Variants in GJC2 observed in about 807,000 individuals in gnomAD.
GJC2 encodes gap junction protein gamma 2.
For missense variants in GJC2, 647 were observed against 648.9 expected (o/e 1.00, Z 0.03); for synonymous variants, 336 against 307.5 (o/e 1.09, Z -0.97).
At chr1:228,154,702 G>C (rs970741409) in intron 1 of GJC2, among the ~76,000 whole-genome samples, 1 of 152,242 alleles carries the variant, frequency 6.6e-6, no homozygotes, top group Non-Finnish European at 1.5e-5. Flanking sequence ...TCTAATCTAT[G>C]TCAGTCTGTA....
At chr1:228,154,423 T>C (rs1404137534) in intron 1 of GJC2, among the ~76,000 whole-genome samples, 1 of 152,192 alleles carries the variant, frequency 6.6e-6, no homozygotes, top group Non-Finnish European at 1.5e-5. Flanking sequence ...CATGAGATGC[T>C]GTGAAGCATC....
In GJC2 at chr1:228,157,309, G is replaced by A. The variant is rs541018245; in HGVS notation, c.-19-431G>A. Among the ~76,000 whole-genome samples, 11 of 152,262 alleles carry A rather than the reference G, an allele frequency of 7.2e-5. No homozygotes were observed. In the South Asian group the frequency reaches 8.3e-4, roughly 11 times the overall value. ...GCTGTGAAGGACTGAGGGCTGATGG[G>A]GCTGCAGGGGCTTGGGGGCTAGGGA... On this transcript the variant is annotated intron_variant, in intron 1 of 1. Transcript: ENST00000366714.
chr1:228,150,043 GC>G lies in GJC2; in HGVS notation c.-20+37del, dbSNP rs1017752221. ...GGGGTCCATGTATGTACCTCATGGG[GC>G]TGGGGGCTGTTGCCCCAGGAGACAG... On this transcript the variant is annotated intron_variant, in intron 1 of 1. Transcript: ENST00000366714. This position sits in a 1 kb window ranked among gnomAD's most constrained non-coding sequence, Gnocchi z 4.6. The G allele has an allele frequency of 4.6e-5, 7 of 152,294 alleles. No individual in the cohort carries two copies. The highest frequency in any genetic ancestry group is 4.6e-4 in the Admixed American group (7 of 15,286). 9.4% of individuals were successfully genotyped at this position (152,294 alleles called of 1,614,324 possible). A position where few individuals can be genotyped will look rare whatever the true frequency, so the allele number is the denominator to read the frequency against.
chr1:228,157,742 C>T lies in GJC2; in HGVS notation c.-17C>T. 1.1e-4 allele frequency: 21 copies of T among 197,612 alleles called. No individual in the cohort carries two copies. Among genetic ancestry groups the T allele is most frequent in the Admixed American group, 1.9e-4 (2 of 10,770 alleles). The allele number at this position is 197,612 out of a possible 1,614,324, so 12.2% of individuals were successfully genotyped here. ...CTGACCCCTACCCCGCCCCACAGGA[C>T]CCGCCCGCCCGCCCCTATGACCAAC... On this transcript the variant is annotated splice_region_variant and 5_prime_UTR_variant, in exon 2 of 2. Coordinates refer to ENST00000366714, the MANE Select transcript of GJC2 (RefSeq NM_020435.4).
intron 1 of GJC2, among the ~76,000 whole-genome samples, chr1:228,156,734 C>A (rs1020593726): frequency 5.3e-5 from 8 of 152,232 alleles, no homozygotes. Flanking sequence ...GACCCAGGAG[C>A]AGGTACTGGC....
At chr1:228,153,870 C>T (rs906977211) in intron 1 of GJC2, among the ~76,000 whole-genome samples, 5 of 151,984 alleles carry the variant, frequency 3.3e-5, no homozygotes, top group Admixed American at 2.0e-4. Context: ...CATGAGCCAC[C>T]GTGCCCGGCT....
rs1414163667 is a variant in GJC2, at chr1:228,152,773, ATCC to A, written c.-20+2772_-20+2774del. On this transcript the variant is annotated intron_variant, in intron 1 of 1. Coordinates refer to ENST00000366714, the MANE Select transcript of GJC2 (RefSeq NM_020435.4). This position sits in a 1 kb window ranked among gnomAD's most constrained non-coding sequence, Gnocchi z 7.3. ...TCCCCGGCCCTCCACCAATGCCCACATCCTCCTCTACTTCCCACAGCCTTCCCT... is the reference window on the plus strand; with the variant it reads ...TCCCCGGCCCTCCACCAATGCCCACATCCTCTACTTCCCACAGCCTTCCCT... Among the ~76,000 whole-genome samples the A allele has an allele frequency of 6.6e-6, 1 of 150,928 alleles. No homozygotes were observed. The highest frequency in any genetic ancestry group is 2.0e-4 in the East Asian group (1 of 5,094).
chr1:228,158,160 C>T lies in GJC2; in HGVS notation c.402C>T (p.Gly134=). ...CGCACCTGCCGCCCCCGCACGCCGG[C>T]TGGCCTGAGCCCGCCGACCTGGGCG... ...PRAHLPPPHA[G]WPEPADLGEE... is the part of the protein sequence containing the mutation. The change falls in exon 2 of 2, where the codon GGC becomes GGT. Residue 134 remains glycine (G), a synonymous_variant. Transcript: ENST00000366714. The surrounding 1 kb of genome is among the most constrained non-coding windows in gnomAD (Gnocchi z 8.3). 7.4e-7 allele frequency: 1 copy of T among 1,356,760 alleles called. No individual in the cohort carries two copies. Among genetic ancestry groups the T allele is most frequent in the Non-Finnish European group, 9.4e-7 (1 of 1,059,120 alleles). 84.0% of individuals were successfully genotyped at this position (1,356,760 alleles called of 1,614,324 possible).
Position 228,157,737 on chromosome 1 carries a change from C to CCGGGGGGGGGGGGGGGGGCG in GJC2, c.-19-3_-19-2insCGGGGGGGGGGGGGGGGGCG. The CCGGGGGGGGGGGGGGGGGCG allele has an allele frequency of 1.5e-6, 1 of 682,662 alleles. No individual in the cohort carries two copies. 42.3% of individuals were successfully genotyped at this position (682,662 alleles called of 1,614,324 possible). A position where few individuals can be genotyped will look rare whatever the true frequency, so the allele number is the denominator to read the frequency against. The stretch of plus-strand genomic sequence containing the variant: ...CCTGGCTGACCCCTACCCCGCCCCA[C>CCGGGGGGGGGGGGGGGGGCG]AGGACCCGCCCGCCCGCCCCTATGA... On this transcript the variant is annotated splice_region_variant and splice_polypyrimidine_tract_variant and intron_variant, in intron 1 of 1. Transcript: ENST00000366714.
rs1301509380 is a variant in GJC2, at chr1:228,152,603, TTGC to T, written c.-20+2600_-20+2602del. On this transcript the variant is annotated intron_variant, in intron 1 of 1. Coordinates refer to ENST00000366714, the MANE Select transcript of GJC2 (RefSeq NM_020435.4). The surrounding 1 kb of genome is among the most constrained non-coding windows in gnomAD (Gnocchi z 7.3). ...GCCCCCATGGTGAGTCCCTTTGCTC[TTGC>T]TGCGCACCCCTTTGAAGCCCTTCCT... 2.6e-5 allele frequency among the ~76,000 whole-genome samples: 4 copies of T among 151,972 alleles called. No homozygotes were observed. The highest frequency in any genetic ancestry group is 9.7e-5 in the African/African-American group (4 of 41,382).
At chr1:228,154,415 T>A (rs189133298) in intron 1 of GJC2, among the ~76,000 whole-genome samples, 1 of 152,200 alleles carries the variant, frequency 6.6e-6, no homozygotes, top group Non-Finnish European at 1.5e-5. Flanking sequence ...GACCTTCCCA[T>A]GAGATGCTGT....
rs1014880369 is a variant in GJC2, at chr1:228,150,285, A to G, written c.-20+278A>G. 6.6e-6 allele frequency among the ~76,000 whole-genome samples: 1 copy of G among 152,066 alleles called. No individual in the cohort carries two copies. The highest frequency in any genetic ancestry group is 1.5e-5 in the Non-Finnish European group (1 of 67,982). ...ACCAACCGGTGGGGTCTGCTCTGGG[A>G]CAGCTGGCAAGCGGGAGGGGGGTGC... On this transcript the variant is annotated intron_variant, in intron 1 of 1. Coordinates refer to ENST00000366714, the MANE Select transcript of GJC2 (RefSeq NM_020435.4). The surrounding 1 kb of genome is among the most constrained non-coding windows in gnomAD (Gnocchi z 4.6).
rs1558119879 is a variant in GJC2 at position 228,158,343 on chromosome 1, CGGGCAACACGAT to C, written c.590_601del (p.Gln197_Gly200del). On this transcript the variant is annotated inframe_deletion, in exon 2 of 2. Transcript: ENST00000366714. The surrounding 1 kb of genome is among the most constrained non-coding windows in gnomAD (Gnocchi z 8.3). ...AGGCGGCAGGGACCCCGGGCCCGAC[CGGGCAACACGAT>C]GGGCGGAGGCGCATCCAGCGGGAGG... 6.3e-7 allele frequency: 1 copy of C among 1,579,328 alleles called. No individual in the cohort carries two copies. Among genetic ancestry groups the C allele is most frequent in the East Asian group, 2.3e-5 (1 of 43,460 alleles).
intron 1 of GJC2, among the ~76,000 whole-genome samples, chr1:228,156,471 CTGAG>C (rs1223171794): frequency 2.6e-5 from 4 of 152,210 alleles, no homozygotes; most frequent in African/African-American, 7.2e-5. Context: ...GGGTATGTAT[CTGAG>C]TGTGTGTGCA....
chr1:228,153,686 G>A (rs540947603), intron 1 of GJC2, among the ~76,000 whole-genome samples: 4 of 149,078 alleles, frequency 2.7e-5, no homozygotes, highest in Non-Finnish European at 5.9e-5. Flanking sequence ...AGGTTCAAGC[G>A]ATTCTCCTGC....
At position 228,152,258 on chromosome 1, in the gene GJC2, T is replaced by G. The variant is rs1020360212; in HGVS notation, c.-20+2251T>G. On this transcript the variant is annotated intron_variant, in intron 1 of 1. Coordinates refer to ENST00000366714, the MANE Select transcript of GJC2 (RefSeq NM_020435.4). This position sits in a 1 kb window ranked among gnomAD's most constrained non-coding sequence, Gnocchi z 7.3. ...ACTGTGTGCGTGGGTGCCTGTCTGG[T>G]GGCTGCCCTAAACTGCAGAAAACAC... Among the ~76,000 whole-genome samples, 8 of 151,864 alleles carry G rather than the reference T, an allele frequency of 5.3e-5. No individual in the cohort carries two copies. The highest frequency in any genetic ancestry group is 1.0e-4 in the Non-Finnish European group (7 of 67,998).
chr1:228,156,379 ATG>A (rs1270244037), intron 1 of GJC2, among the ~76,000 whole-genome samples: 1 of 152,142 alleles, frequency 6.6e-6, no homozygotes, highest in Non-Finnish European at 1.5e-5. Context: ...ATGTGTATGC[ATG>A]TGTGTGCATG....
Position 228,158,790 on chromosome 1 carries a change from G to A in GJC2, c.1032G>A (p.Arg344=). ...SLVVRAAERA[R]AHDQNLANLA... ...TGGTGCGGGCGGCCGAGCGCGCTCG[G>A]GCGCATGACCAGAACCTGGCAAACC... is the stretch of plus-strand genomic sequence containing the variant. Residue 344 remains arginine, a synonymous_variant, in exon 2 of 2, where the codon CGG becomes CGA. Transcript: ENST00000366714. The surrounding 1 kb of genome is among the most constrained non-coding windows in gnomAD (Gnocchi z 8.3). The A allele has an allele frequency of 2.8e-6, 4 of 1,432,846 alleles. No homozygotes were observed. The highest frequency in any genetic ancestry group is 2.7e-6 in the Non-Finnish European group (3 of 1,096,428). The allele number at this position is 1,432,846 out of a possible 1,614,324, so 88.8% of individuals were successfully genotyped here.
At chr1:228,153,046 CAT>C (rs1251316682) in intron 1 of GJC2, among the ~76,000 whole-genome samples, 2 of 152,062 alleles carry the variant, frequency 1.3e-5, no homozygotes, top group Non-Finnish European at 2.9e-5. Flanking sequence ...CTTGTGTGCA[CAT>C]AGTCTGCAAA....
Sources: gnomAD v4.1 joint callset for allele counts (sites outside exome capture counted in the v4.1 genomes callset) on GRCh38, gnomAD v4.1.1 for gene constraint, Gnocchi (gnomAD v3.1) non-coding constraint, MANE v1.5 for transcripts, NCBI Gene and HGNC (gene_info 2026-07-23, HGNC 2026-07-21) for gene names.